IMMP2L: variants seen among roughly 807,000 people sequenced by gnomAD.
The protein encoded by IMMP2L is inner mitochondrial membrane peptidase subunit 2, also known as mitochondrial inner membrane protease subunit 2.
In IMMP2L, 18 loss-of-function variants were observed where a neutral mutation model predicts 19.3. The observed-to-expected ratio is 0.93, with a 90% CI of 0.64 to 1.38. The LOEUF is 1.38. Among genes scored for constraint, IMMP2L ranks in the 40% most tolerant of loss-of-function variants. The pLI, the probability that IMMP2L is intolerant of heterozygous loss-of-function variation, is 0.00. For synonymous variants in IMMP2L, 76 were observed against 73.0 expected, an observed-to-expected ratio of 1.04 and a Z score of -0.21; for missense variants, 233 against 218.2, an observed-to-expected ratio of 1.07 and a Z score of -0.43.
At chr7:111,310,122 C>T (rs1296061774) in intron 3 of IMMP2L, among the ~76,000 whole-genome samples, 1 of 151,740 alleles carries the variant, frequency 6.6e-6, no homozygotes, top group Non-Finnish European at 1.5e-5. Context: ...GTAATCCCAG[C>T]TACTCGCGGG....
At chr7:111,209,455 A>G (rs920514310) in intron 3 of IMMP2L, among the ~76,000 whole-genome samples, 1 of 151,986 alleles carries the variant, frequency 6.6e-6, no homozygotes, top group Non-Finnish European at 1.5e-5. Flanking sequence ...TCAAAAATTA[A>G]TATGTAGTTT....
intron 4 of IMMP2L, among the ~76,000 whole-genome samples, chr7:110,911,103 C>T (rs542857114): frequency 1.7e-4 from 26 of 152,068 alleles, no homozygotes; most frequent in African/African-American, 5.8e-4. Context: ...TTTTTGAATG[C>T]TTTTCTACTT....
chr7:111,485,618 A>AAAC (rs1563252484), intron 3 of IMMP2L, among the ~76,000 whole-genome samples: 3 of 148,336 alleles, frequency 2.0e-5, no homozygotes, highest in Admixed American at 6.7e-5. Flanking sequence ...AAAAAAAAAA[A>AAAC]AAAAAAACAC....
At chr7:110,943,419 C>T (rs1277573255) in intron 4 of IMMP2L, among the ~76,000 whole-genome samples, 1 of 152,014 alleles carries the variant, frequency 6.6e-6, no homozygotes, top group East Asian at 1.9e-4. Flanking sequence ...CCATCCCTGA[C>T]AGAGGGATAG....
chr7:111,503,131 A>C (rs537561297), intron 2 of IMMP2L, among the ~76,000 whole-genome samples: 2 of 152,310 alleles, frequency 1.3e-5, no homozygotes, highest in East Asian at 3.9e-4. Flanking sequence ...AAAAATGATA[A>C]AGGGGATATC....
chr7:111,067,115 CT>C (rs1383734254), intron 3 of IMMP2L, among the ~76,000 whole-genome samples: 8 of 152,216 alleles, frequency 5.3e-5, no homozygotes, highest in African/African-American at 1.9e-4. Context: ...GCTTCTTTCA[CT>C]GGCTGATTTT....
At chr7:110,908,189 C>T (rs1171381162) in intron 4 of IMMP2L, among the ~76,000 whole-genome samples, 1 of 152,172 alleles carries the variant, frequency 6.6e-6, no homozygotes, top group Non-Finnish European at 1.5e-5. Flanking sequence ...AGTATCTCTG[C>T]ATCCAGCAAC....
intron 5 of IMMP2L, among the ~76,000 whole-genome samples, chr7:110,721,981 G>A (rs116319881): frequency 0.02 from 3,072 of 152,168 alleles, 93 homozygotes; most frequent in African/African-American, 0.068. Context: ...GGATTTGAAA[G>A]CACAGCTGTG....
At chr7:111,002,833 C>T (rs1823852127) in intron 3 of IMMP2L, among the ~76,000 whole-genome samples, 1 of 152,096 alleles carries the variant, frequency 6.6e-6, no homozygotes, top group African/African-American at 2.4e-5. Flanking sequence ...AATTACCACA[C>T]TTGTAGTCTG....
At chr7:110,817,118 T>G (rs1038659936) in intron 5 of IMMP2L, among the ~76,000 whole-genome samples, 2 of 152,070 alleles carry the variant, frequency 1.3e-5, no homozygotes, top group South Asian at 4.2e-4. Context: ...CCAGGGCAAT[T>G]AGGCAGGAGA....
chr7:111,057,640 G>A (rs1291493850), intron 3 of IMMP2L, among the ~76,000 whole-genome samples: 1 of 152,134 alleles, frequency 6.6e-6, no homozygotes, highest in Non-Finnish European at 1.5e-5. Context: ...ACCTATCAGT[G>A]ACACTAGTAC....
At chr7:110,878,317 C>A (rs998033965) in intron 5 of IMMP2L, among the ~76,000 whole-genome samples, 1 of 151,990 alleles carries the variant, frequency 6.6e-6, no homozygotes, top group African/African-American at 2.4e-5. Flanking sequence ...GAAATTGAAC[C>A]CTCAAACCTA....
chr7:110,986,970 G>C (rs901131468), intron 3 of IMMP2L, among the ~76,000 whole-genome samples: 19 of 152,030 alleles, frequency 1.2e-4, no homozygotes, highest in African/African-American at 4.3e-4. Flanking sequence ...ATAATGTTAT[G>C]ATTAGAATAT....
chr7:110,851,194 T>C (rs965625848), intron 5 of IMMP2L, among the ~76,000 whole-genome samples: 1 of 152,104 alleles, frequency 6.6e-6, no homozygotes, highest in African/African-American at 2.4e-5. Context: ...TATTCAAAAA[T>C]TGTGAGATTT....
At chr7:111,328,382 C>T (rs1326551509) in intron 3 of IMMP2L, among the ~76,000 whole-genome samples, 1 of 151,722 alleles carries the variant, frequency 6.6e-6, no homozygotes, top group Non-Finnish European at 1.5e-5. Context: ...CAGAATGATA[C>T]TTAGAAATGC....
chr7:111,364,149 C>G (rs1033398990), intron 3 of IMMP2L, among the ~76,000 whole-genome samples: 1 of 152,002 alleles, frequency 6.6e-6, no homozygotes, highest in Non-Finnish European at 1.5e-5. Context: ...CTTCTAAGGA[C>G]TAACAAAATT....
chr7:110,780,730 T>C (rs1799681271), intron 5 of IMMP2L, among the ~76,000 whole-genome samples: 1 of 151,888 alleles, frequency 6.6e-6, no homozygotes, highest in Non-Finnish European at 1.5e-5. Context: ...TACAAACTTA[T>C]CTGTATTTAA....
intron 3 of IMMP2L, among the ~76,000 whole-genome samples, chr7:111,447,603 A>G (rs1416691135): frequency 2.6e-5 from 4 of 151,486 alleles, no homozygotes; most frequent in Admixed American, 1.3e-4. Flanking sequence ...CTGCAAAATC[A>G]TGCCAAAATG....
At chr7:111,220,227 G>A (rs1812366173) in intron 3 of IMMP2L, among the ~76,000 whole-genome samples, 1 of 152,014 alleles carries the variant, frequency 6.6e-6, no homozygotes, top group Non-Finnish European at 1.5e-5. Flanking sequence ...CAAAGTCAGA[G>A]CTGAGCTTCT....
Sources: allele counts gnomAD v4.1 joint callset (sites outside exome capture counted in the v4.1 genomes callset), GRCh38; gene constraint gnomAD v4.1.1; transcripts MANE v1.5; gene names NCBI Gene and HGNC (gene_info 2026-07-23, HGNC 2026-07-21).